KCNG4: variants seen among roughly 807,000 people sequenced by gnomAD.
KCNG4 encodes voltage-gated potassium channel regulatory subunit KCNG4.
A neutral mutation model predicts 28.2 loss-of-function variants in KCNG4; 30 were observed. That is an observed-to-expected ratio of 1.06 (90% CI 0.80 to 1.44). KCNG4 has a LOEUF of 1.44. Among genes scored for constraint, KCNG4 ranks in the 40% most tolerant of loss-of-function variants. The pLI is 0.00. For synonymous variants in KCNG4, 375 were observed against 315.5 expected (o/e 1.19, Z -2.00); for missense variants, 879 against 712.3 (o/e 1.23, Z -2.66).
chr16:84,231,852 A>C (rs1343625826), intron 2 of KCNG4, among the ~76,000 whole-genome samples: 1 of 151,972 alleles, frequency 6.6e-6, no homozygotes, highest in Non-Finnish European at 1.5e-5. Flanking sequence ...AAAAATACAA[A>C]AATGTGCTGG....
chr16:84,223,803 T>C (rs1156599509), intron 2 of KCNG4, among the ~76,000 whole-genome samples: 1 of 152,202 alleles, frequency 6.6e-6, no homozygotes, highest in Non-Finnish European at 1.5e-5. Flanking sequence ...GGGCCCACTT[T>C]GTGCCAGGCA....
intron 2 of KCNG4, among the ~76,000 whole-genome samples, chr16:84,233,228 G>A (rs183862808): frequency 1.3e-5 from 2 of 152,322 alleles, no homozygotes; most frequent in East Asian, 3.9e-4. Context: ...GGCTCAAGGA[G>A]GTTAAGTGAC....
At position 84,223,036 on chromosome 16, in the gene KCNG4, G is replaced by A. The variant is rs772279818; in HGVS notation, c.757-16C>T. On this transcript the variant is annotated splice_polypyrimidine_tract_variant and intron_variant, in intron 2 of 2. Coordinates refer to ENST00000308251, the MANE Select transcript of KCNG4 (RefSeq NM_172347.3). ...AGCATTCGCCCTGCGGGGAGAAGAGGCAACAACGCGGGGTAGAGAGTGGAC... is the reference window on the plus strand; with the variant it reads ...AGCATTCGCCCTGCGGGGAGAAGAGACAACAACGCGGGGTAGAGAGTGGAC... 1 of 1,513,146 alleles carries A rather than the reference G, an allele frequency of 6.6e-7. No individual in the cohort carries two copies. 93.7% of individuals were successfully genotyped at this position (1,513,146 alleles called of 1,614,324 possible).
Position 84,222,214 on chromosome 16 carries a change from G to T in KCNG4, c.*3C>A. 6.2e-7 allele frequency: 1 copy of T among 1,613,812 alleles called. No individual in the cohort carries two copies. The highest frequency in any genetic ancestry group is 1.1e-5 in the South Asian group (1 of 90,984). ...TTACCATGTAGTCATGGGGGGTGCT[G>T]AGTTACATGTGCATGATAGGCAAGG... On this transcript the variant is annotated 3_prime_UTR_variant, in exon 3 of 3. Transcript: ENST00000308251.
At chr16:84,231,830 C>T (rs1160897956) in intron 2 of KCNG4, among the ~76,000 whole-genome samples, 1 of 151,976 alleles carries the variant, frequency 6.6e-6, no homozygotes, top group African/African-American at 2.4e-5. Flanking sequence ...ATGGTGAAAC[C>T]TCATCTCTAC....
In KCNG4 at chr16:84,236,938, A is replaced by G; in HGVS notation, c.548T>C (p.Val183Ala). ...GCGGGTCTCCCTCTGCTGCCTCAGT[A>G]CGTCCTCCCTGTGCAGCTTGGCCAG... Reference protein sequence around the residue: ...EELAKLHREDVLRQQRETRRP... With the variant: ...EELAKLHREDALRQQRETRRP... The change falls in exon 2 of 3, where the codon GTA (valine) becomes GCA (alanine). Residue 183 changes from valine (V) to alanine (A), a missense_variant. By Grantham distance (64) the Val-to-Ala change is moderately conservative. Transcript: ENST00000308251. 1 of 1,613,540 alleles carries G rather than the reference A, an allele frequency of 6.2e-7. No individual in the cohort carries two copies. Among genetic ancestry groups the G allele is most frequent in the Non-Finnish European group, 8.5e-7 (1 of 1,179,990 alleles).
Position 84,222,095 on chromosome 16 carries a change from A to G in KCNG4, c.*122T>C, listed in dbSNP as rs531107239. On this transcript the variant is annotated 3_prime_UTR_variant, in exon 3 of 3. Transcript: ENST00000308251. ...AGCCTCTGTGGCCTTATGCCCCTCC[A>G]GCTTTGAAAGTCTTCCCTGGGCTCT... is the stretch of plus-strand genomic sequence containing the variant. 1 of 1,095,198 alleles carries G rather than the reference A, an allele frequency of 9.1e-7. No homozygotes were observed. Among genetic ancestry groups the G allele is most frequent in the South Asian group, 1.5e-5 (1 of 68,166 alleles). 67.8% of individuals were successfully genotyped at this position (1,095,198 alleles called of 1,614,324 possible).
rs571094447 is a variant in KCNG4 at position 84,239,812 on chromosome 16, T to A, written c.-183A>T. The A allele has an allele frequency of 1.4e-4, 22 of 151,816 alleles. No homozygotes were observed. Among genetic ancestry groups the A allele is most frequent in the African/African-American group, 5.1e-4 (21 of 41,388 alleles). The allele number at this position is 151,816 out of a possible 1,614,324, so 9.4% of individuals were successfully genotyped here. A position where few individuals can be genotyped will look rare whatever the true frequency, so the allele number is the denominator to read the frequency against. ...CCCAAAACAGCAGTTTCTAGCAGAG[T>A]CAGTTTCCAATCTTTCTTCCCGTGC... On this transcript the variant is annotated 5_prime_UTR_variant, in exon 1 of 3. The change abolishes the stop of an existing upstream ORF in the 5' untranslated region. Coordinates refer to ENST00000308251, the MANE Select transcript of KCNG4 (RefSeq NM_172347.3).
rs528003766 is a variant in KCNG4, at chr16:84,237,263, T to C, written c.223A>G (p.Ser75Gly). 1.9e-6 allele frequency: 3 copies of C among 1,612,668 alleles called. No individual in the cohort carries two copies. Among genetic ancestry groups the C allele is most frequent in the South Asian group, 2.2e-5 (2 of 90,986 alleles). The change falls in exon 2 of 3, where the codon AGC becomes GGC. Residue 75 changes from serine (S) to glycine (G), a missense_variant. By Grantham distance (56) the Ser-to-Gly change is moderately conservative. Coordinates refer to ENST00000308251, the MANE Select transcript of KCNG4 (RefSeq NM_172347.3). The part of the protein sequence containing the change: ...VGGRRYLLPW[S>G]TLDRFPLSRL... ...CTCAGCGGGAACCGGTCCAGTGTGCTCCAGGGGAGGAGATACCTCCTGCCC... is the reference window on the plus strand; with the variant it reads ...CTCAGCGGGAACCGGTCCAGTGTGCCCCAGGGGAGGAGATACCTCCTGCCC...
rs746204311 is a variant in KCNG4 at position 84,226,010 on chromosome 16, T to A, written c.757-2990A>T. ...AAGGGGAAAGAAGGAAAGAAAAAAGTTTTCCTTTCTCCCTTTGTGGAAGTT... is the reference window on the plus strand; with the variant it reads ...AAGGGGAAAGAAGGAAAGAAAAAAGATTTCCTTTCTCCCTTTGTGGAAGTT... On this transcript the variant is annotated intron_variant, in intron 2 of 2. Transcript: ENST00000308251. This position sits in a 1 kb window ranked among gnomAD's most constrained non-coding sequence, Gnocchi z 4.1. Among the ~76,000 whole-genome samples the A allele has an allele frequency of 3.3e-5, 5 of 152,142 alleles. No homozygotes were observed. The highest frequency in any genetic ancestry group is 1.2e-4 in the African/African-American group (5 of 41,424).
intron 2 of KCNG4, among the ~76,000 whole-genome samples, chr16:84,224,107 A>C (rs962816976): frequency 1.3e-5 from 2 of 152,128 alleles, no homozygotes; most frequent in Non-Finnish European, 2.9e-5. Context: ...GCTTGTTAGA[A>C]ACACAGCATC....
chr16:84,239,580 T>G (rs905051685), intron 1 of KCNG4, 90 bp downstream of exon 1: 1 of 152,146 alleles, frequency 6.6e-6, no homozygotes, highest in African/African-American at 2.4e-5. Flanking sequence ...AACCAGCACT[T>G]TTGCCAAGGA....
Position 84,226,260 on chromosome 16 carries a change from G to C in KCNG4, c.757-3240C>G, listed in dbSNP as rs1393424820. ...ACAGGCATGATGTGGAGCAAAGCAA[G>C]CCGGGTGTGTGTTTCCACTTGTGGG... is the stretch of plus-strand genomic sequence containing the variant. On this transcript the variant is annotated intron_variant, in intron 2 of 2. Coordinates refer to ENST00000308251, the MANE Select transcript of KCNG4 (RefSeq NM_172347.3). This position sits in a 1 kb window ranked among gnomAD's most constrained non-coding sequence, Gnocchi z 4.1. Among the ~76,000 whole-genome samples, 2 of 152,206 alleles carry C rather than the reference G, an allele frequency of 1.3e-5. No homozygotes were observed. The highest frequency in any genetic ancestry group is 1.3e-4 in the Admixed American group (2 of 15,280).
intron 2 of KCNG4, among the ~76,000 whole-genome samples, chr16:84,228,311 C>T (rs930138491): frequency 1.3e-5 from 2 of 152,238 alleles, no homozygotes; most frequent in African/African-American, 4.8e-5. Context: ...CTCACTTCTG[C>T]AGCTCCTTAG....
intron 2 of KCNG4, among the ~76,000 whole-genome samples, chr16:84,223,235 C>G (rs1294928932): frequency 6.6e-6 from 1 of 152,104 alleles, no homozygotes; most frequent in Non-Finnish European, 1.5e-5. Flanking sequence ...TAGGTGTGGC[C>G]AAATATGACT....
chr16:84,232,597 C>G (rs1904851902), intron 2 of KCNG4, among the ~76,000 whole-genome samples: 1 of 152,040 alleles, frequency 6.6e-6, no homozygotes, highest in Non-Finnish European at 1.5e-5. Flanking sequence ...TAAATGTCAA[C>G]TCAGAAAAAT....
In KCNG4 at chr16:84,237,235, C is replaced by A. The variant is rs201758059; in HGVS notation, c.251G>T (p.Arg84Leu). The change falls in exon 2 of 3, where the codon CGC becomes CTC. Residue 84 changes from arginine to leucine, a missense_variant. Transcript: ENST00000308251. The stretch of plus-strand genomic sequence containing the variant: ...CCGACAGAGCCTGAGTTTGCTCAGG[C>A]GGCTCAGCGGGAACCGGTCCAGTGT... ...WSTLDRFPLS[R>L]LSKLRLCRSY... The A allele has an allele frequency of 7.4e-6, 12 of 1,614,056 alleles. No homozygotes were observed. In the East Asian group the frequency reaches 1.1e-4, roughly 15 times the overall value.
At chr16:84,223,058 G>A (rs752189627) in intron 2 of KCNG4, 38 bp from the exon 3 acceptor site, 2 of 1,475,492 alleles carry the variant, frequency 1.4e-6, no homozygotes, top group East Asian at 2.3e-5. Flanking sequence ...GGTAGAGAGT[G>A]GACTTGCAAC....
In KCNG4 at chr16:84,228,122, C is replaced by T. The variant is rs142054240; in HGVS notation, c.757-5102G>A. 9.2e-3 allele frequency among the ~76,000 whole-genome samples: 1,394 copies of T among 152,304 alleles called. 16 individuals carry two copies. Among genetic ancestry groups the T allele is most frequent in the African/African-American group, 0.032 (1,347 of 41,558 alleles). On this transcript the variant is annotated intron_variant, in intron 2 of 2. Coordinates refer to ENST00000308251, the MANE Select transcript of KCNG4 (RefSeq NM_172347.3). ...TCACCTGTTTCACGCAGCAGCAGAG[C>T]GGGGCTTCCTGAGGGCAAAGCTGCT... is the stretch of plus-strand genomic sequence containing the variant.
Sources: gnomAD v4.1 joint callset for allele counts (sites outside exome capture counted in the v4.1 genomes callset) on GRCh38, gnomAD v4.1.1 for gene constraint, Gnocchi (gnomAD v3.1) non-coding constraint, MANE v1.5 for transcripts, NCBI Gene and HGNC (gene_info 2026-07-23, HGNC 2026-07-21) for gene names.